The following EPM2A variants were observed in gnomAD, a reference collection of about 807,000 sequenced individuals.
EPM2A encodes the protein EPM2A glucan phosphatase, laforin, also known as laforin.
EPM2A carries 21 observed loss-of-function variants against 26.5 expected under a neutral mutation model. The observed-to-expected ratio is 0.79, with a 90% confidence interval of 0.56 to 1.14. The LOEUF is 1.14. Ranked by LOEUF, EPM2A falls within the 50% of genes most tolerant of loss-of-function variation. The probability of loss-of-function intolerance (pLI) is 0.00; values close to 1 mark genes in which losing one functional copy is unlikely to be tolerated. For synonymous variants in EPM2A, 217 were observed against 177.6 expected, an observed-to-expected ratio of 1.22 and a Z score of -1.76; for missense variants, 458 against 440.8, an observed-to-expected ratio of 1.04 and a Z score of -0.35.
intron 2 of EPM2A, among the ~76,000 whole-genome samples, chr6:145,545,648 C>T (rs365747): frequency 0.36 from 54,232 of 151,934 alleles, 10,189 homozygotes; most frequent in South Asian, 0.51. Flanking sequence ...TCACTCCTCT[C>T]CCCATCCACC....
chr6:145,588,712 G>A (rs945015764), intron 2 of EPM2A, among the ~76,000 whole-genome samples: 11 of 152,146 alleles, frequency 7.2e-5, no homozygotes, highest in African/African-American at 1.9e-4. Context: ...AGTGCAAGAC[G>A]TTGAAGAGTT....
intron 2 of EPM2A, among the ~76,000 whole-genome samples, chr6:145,656,993 T>G (rs1371629606): frequency 1.3e-5 from 2 of 152,124 alleles, no homozygotes; most frequent in Non-Finnish European, 2.9e-5. Flanking sequence ...CAGGCAGAAT[T>G]CGTGTTAGAG....
chr6:145,533,115 AAC>A (rs1208682402), intron 2 of EPM2A, among the ~76,000 whole-genome samples: 1 of 152,152 alleles, frequency 6.6e-6, no homozygotes, highest in Non-Finnish European at 1.5e-5. Flanking sequence ...AACAAAACAA[AAC>A]ACAACAAAAA....
At chr6:145,554,464 A>ATAGATAGATAGATAGATACATAGG (rs1562380414) in intron 2 of EPM2A, among the ~76,000 whole-genome samples, 2 of 152,036 alleles carry the variant, frequency 1.3e-5, no homozygotes, top group African/African-American at 4.8e-5. Context: ...AGATAGATAG[A>ATAGATAGATAGATAGATACATAGG]TAGATACATA....
At chr6:145,728,507 T>C (rs1000233114) in intron 1 of EPM2A, among the ~76,000 whole-genome samples, 2 of 152,312 alleles carry the variant, frequency 1.3e-5, no homozygotes, top group East Asian at 1.9e-4. Context: ...ACTGGCAGCA[T>C]TGTGCTCCTG....
At chr6:145,705,104 G>T (rs1782140180) in intron 1 of EPM2A, among the ~76,000 whole-genome samples, 1 of 152,052 alleles carries the variant, frequency 6.6e-6, no homozygotes, top group Non-Finnish European at 1.5e-5. Context: ...CATTGTTTTT[G>T]GTCCTAGGGC....
chr6:145,602,652 C>T (rs1269820335), intron 2 of EPM2A, among the ~76,000 whole-genome samples: 1 of 152,126 alleles, frequency 6.6e-6, no homozygotes, highest in Non-Finnish European at 1.5e-5. Context: ...TTAATTCCTC[C>T]CAGAGTGCCT....
intron 4 of EPM2A, among the ~76,000 whole-genome samples, chr6:145,452,407 AG>A (rs1779206924): frequency 6.8e-6 from 1 of 147,954 alleles, no homozygotes; most frequent in African/African-American, 2.5e-5. Context: ...AGAAACTGGG[AG>A]GCCGAGGCGG....
At chr6:145,484,042 A>G (rs1163126902) in intron 4 of EPM2A, among the ~76,000 whole-genome samples, 1 of 152,180 alleles carries the variant, frequency 6.6e-6, no homozygotes, top group Non-Finnish European at 1.5e-5. Flanking sequence ...ATCTTGCTAC[A>G]TGACAGAATT....
intron 1 of EPM2A, among the ~76,000 whole-genome samples, chr6:145,732,267 T>TGTAAGTAAG: frequency 6.7e-6 from 1 of 149,758 alleles, no homozygotes; most frequent in Admixed American, 6.7e-5. Context: ...GAGAGGAATG[T>TGTAAGTAAG]GTAAGTAAGC....
intron 4 of EPM2A, among the ~76,000 whole-genome samples, chr6:145,448,530 C>T (rs929805338): frequency 6.6e-6 from 1 of 152,132 alleles, no homozygotes; most frequent in African/African-American, 2.4e-5. Flanking sequence ...ACTTGAGGAA[C>T]AAAGAGTTAA....
At chr6:145,635,099 ATATG>A (rs1776544989) in intron 3 of EPM2A, 142 bp downstream of exon 3, 1 of 874,690 alleles carries the variant, frequency 1.1e-6, no homozygotes, top group South Asian at 1.7e-5. Context: ...GTGTCAAAAC[ATATG>A]TATTATATAT....
At chr6:145,441,911 A>G (rs892865962) in intron 4 of EPM2A, among the ~76,000 whole-genome samples, 1 of 152,124 alleles carries the variant, frequency 6.6e-6, no homozygotes, top group Non-Finnish European at 1.5e-5. Context: ...TGCCTTTAAC[A>G]TCACCTAAGT....
chr6:145,493,953 T>C (rs534828849), intron 4 of EPM2A, among the ~76,000 whole-genome samples: 1 of 152,348 alleles, frequency 6.6e-6, no homozygotes, highest in African/African-American at 2.4e-5. Flanking sequence ...TTCTTTTTTG[T>C]TGTATTTCTG....
intron 2 of EPM2A, among the ~76,000 whole-genome samples, chr6:145,558,891 C>T (rs562073344): frequency 1.9e-4 from 29 of 152,154 alleles, no homozygotes; most frequent in Admixed American, 5.9e-4. Context: ...CCCTTTTCCC[C>T]ACCTCCACCC....
intron 2 of EPM2A, among the ~76,000 whole-genome samples, chr6:145,511,530 C>G (rs779273190): frequency 7.2e-5 from 11 of 152,114 alleles, no homozygotes; most frequent in Non-Finnish European, 1.5e-4. Context: ...AGACACAGAA[C>G]AGCATTTGAT....
chr6:145,587,955 A>T (rs1393814495), intron 2 of EPM2A, among the ~76,000 whole-genome samples: 1 of 152,220 alleles, frequency 6.6e-6, no homozygotes, highest in Admixed American at 6.5e-5. Context: ...CTGAATTAAT[A>T]TTATGCATGT....
chr6:145,718,516 C>A (rs1775768508), intron 1 of EPM2A, among the ~76,000 whole-genome samples: 1 of 152,036 alleles, frequency 6.6e-6, no homozygotes, highest in Non-Finnish European at 1.5e-5. Context: ...CATAAAAACC[C>A]TAGAAGAAAA....
intron 1 of EPM2A, chr6:145,734,602 T>C (rs1259262984): frequency 2.0e-5 from 3 of 152,214 alleles, no homozygotes; most frequent in Non-Finnish European, 4.4e-5. Context: ...TCATTCTCAA[T>C]ATCTATGAAA....
Sources: allele counts gnomAD v4.1 joint callset (sites outside exome capture counted in the v4.1 genomes callset), GRCh38; gene constraint gnomAD v4.1.1; transcripts MANE v1.5; gene names NCBI Gene and HGNC (gene_info 2026-07-23, HGNC 2026-07-21).